The following CTNNA3 variants were observed in gnomAD, a reference collection of about 807,000 sequenced individuals.
The protein encoded by CTNNA3 is catenin alpha 3.
A neutral mutation model predicts 95.7 loss-of-function variants in CTNNA3; 76 were observed. The observed-to-expected ratio is 0.79, with a 90% CI of 0.66 to 0.96. CTNNA3 has a LOEUF of 0.96. CTNNA3 is among the 40% of genes least tolerant of loss of function. The pLI, the probability that CTNNA3 is intolerant of heterozygous loss-of-function variation, is 0.00. For missense variants in CTNNA3, 1,191 were observed against 1,089.8 expected, an observed-to-expected ratio of 1.09 and a Z score of -1.31; for synonymous variants, 431 against 374.4, an observed-to-expected ratio of 1.15 and a Z score of -1.74.
chr10:66,108,164 T>C (rs1197049537), intron 13 of CTNNA3, among the ~76,000 whole-genome samples: 1 of 152,102 alleles, frequency 6.6e-6, no homozygotes, highest in Non-Finnish European at 1.5e-5. Flanking sequence ...TTAAAATACA[T>C]TTAAAAAATA....
chr10:66,722,439 C>T (rs1457164167), intron 9 of CTNNA3, among the ~76,000 whole-genome samples: 1 of 151,690 alleles, frequency 6.6e-6, no homozygotes, highest in Non-Finnish European at 1.5e-5. Flanking sequence ...TTGGTGCTAG[C>T]TTCCCAGGCA....
intron 3 of CTNNA3, among the ~76,000 whole-genome samples, chr10:67,592,529 A>C (rs1405431840): frequency 1.3e-5 from 2 of 152,192 alleles, no homozygotes; most frequent in Non-Finnish European, 2.9e-5. Context: ...TAAACAAGTC[A>C]GAGAAAAAAG....
intron 9 of CTNNA3, among the ~76,000 whole-genome samples, chr10:66,681,889 T>C (rs1478299050): frequency 1.3e-5 from 2 of 152,214 alleles, no homozygotes; most frequent in East Asian, 1.9e-4. Flanking sequence ...TGGATTTTAA[T>C]GGAAATTTAT....
chr10:65,958,101 C>T (rs146434268), intron 17 of CTNNA3, among the ~76,000 whole-genome samples: 5,033 of 152,000 alleles, frequency 0.033, 251 homozygotes, highest in African/African-American at 0.11. Flanking sequence ...TCTTTTTTCT[C>T]TAAACTTCTC....
intron 15 of CTNNA3, among the ~76,000 whole-genome samples, chr10:66,001,073 A>G (rs1237523149): frequency 6.6e-6 from 1 of 152,158 alleles, no homozygotes; most frequent in Non-Finnish European, 1.5e-5. Flanking sequence ...CAGTGACTTC[A>G]TCACACATAG....
intron 7 of CTNNA3, among the ~76,000 whole-genome samples, chr10:67,095,707 C>T (rs575167062): frequency 1.8e-4 from 28 of 151,784 alleles, no homozygotes; most frequent in Middle Eastern, 3.4e-3. Context: ...GTTTCCATGA[C>T]GAATAAGGAC....
chr10:67,415,072 A>C (rs1268283369), intron 5 of CTNNA3, among the ~76,000 whole-genome samples: 1 of 152,218 alleles, frequency 6.6e-6, no homozygotes, highest in Non-Finnish European at 1.5e-5. Context: ...CAAATGATGG[A>C]AATATTTCCC....
chr10:67,602,332 G>A (rs1428025770), intron 3 of CTNNA3, among the ~76,000 whole-genome samples: 1 of 152,156 alleles, frequency 6.6e-6, no homozygotes, highest in Non-Finnish European at 1.5e-5. Context: ...TTTGGGAACA[G>A]TGCTTTCACT....
intron 5 of CTNNA3, among the ~76,000 whole-genome samples, chr10:67,267,820 T>C (rs1376861234): frequency 6.6e-6 from 1 of 152,174 alleles, no homozygotes; most frequent in African/African-American, 2.4e-5. Context: ...TTTTTTATTA[T>C]AGCATTATTT....
chr10:67,456,092 T>C (rs1451365093), intron 5 of CTNNA3, among the ~76,000 whole-genome samples: 1 of 152,146 alleles, frequency 6.6e-6, no homozygotes, highest in Non-Finnish European at 1.5e-5. Context: ...CCATGCATAA[T>C]TTTATATACA....
At chr10:66,243,774 G>A (rs1351484522) in intron 13 of CTNNA3, among the ~76,000 whole-genome samples, 1 of 152,120 alleles carries the variant, frequency 6.6e-6, no homozygotes, top group African/African-American at 2.4e-5. Flanking sequence ...ATTGAGACTC[G>A]CTCCCTTGAA....
At chr10:66,361,948 T>C (rs1043249901) in intron 12 of CTNNA3, among the ~76,000 whole-genome samples, 5 of 152,240 alleles carry the variant, frequency 3.3e-5, no homozygotes, top group East Asian at 1.9e-4. Flanking sequence ...CACCACTGCA[T>C]TGAGAGAATA....
intron 5 of CTNNA3, among the ~76,000 whole-genome samples, chr10:67,409,847 C>T (rs1237145410): frequency 6.6e-6 from 1 of 152,038 alleles, no homozygotes; most frequent in African/African-American, 2.4e-5. Context: ...GTTAAAAAGT[C>T]AAAAAATAAC....
rs150763921 is a variant in CTNNA3, at chr10:66,639,425, G to T, written c.1282-17641C>A. 2.0e-5 allele frequency among the ~76,000 whole-genome samples: 3 copies of T among 152,182 alleles called. No homozygotes were observed. In the East Asian group the frequency reaches 5.8e-4, roughly 29 times the overall value. ...GCGCTATGAATATAGGAAGCAGTAT[G>T]ATTTGAAAAAAGGAGAAATGGCAGT... On this transcript the variant is annotated intron_variant, in intron 9 of 17. Coordinates refer to ENST00000433211, the MANE Select transcript of CTNNA3 (RefSeq NM_013266.4).
intron 15 of CTNNA3, among the ~76,000 whole-genome samples, chr10:66,045,013 AC>A (rs2079799354): frequency 1.3e-5 from 2 of 152,176 alleles, no homozygotes; most frequent in Admixed American, 6.5e-5. Flanking sequence ...TCCAAAGCCA[AC>A]ACTCAATGAG....
intron 15 of CTNNA3, among the ~76,000 whole-genome samples, chr10:66,042,899 CAAAAAAAAAAAAAAAAAAAA>C (rs60090636): frequency 0.013 from 661 of 50,448 alleles, 12 homozygotes; most frequent in Middle Eastern, 0.023. Context: ...GACTCTGTCT[CAAAAAAAAAAAAAAAAAAAA>C]AAAAAAAAAA....
chr10:66,160,014 A>T (rs1016114870), intron 13 of CTNNA3, among the ~76,000 whole-genome samples: 1 of 152,036 alleles, frequency 6.6e-6, no homozygotes, highest in African/African-American at 2.4e-5. Flanking sequence ...CAGTGGTGTC[A>T]GTTGTAGTGT....
At chr10:66,309,381 T>G (rs1167599613) in intron 12 of CTNNA3, among the ~76,000 whole-genome samples, 2 of 151,836 alleles carry the variant, frequency 1.3e-5, no homozygotes, top group East Asian at 3.9e-4. Flanking sequence ...TCTCTGGAGC[T>G]CAAAATTCTG....
chr10:66,467,879 G>A (rs564244326), intron 11 of CTNNA3, among the ~76,000 whole-genome samples: 21 of 152,078 alleles, frequency 1.4e-4, no homozygotes, highest in South Asian at 1.0e-3. Flanking sequence ...CCTCCATAGT[G>A]GTTGAAAAGC....
Sources: allele counts gnomAD v4.1 joint callset (sites outside exome capture counted in the v4.1 genomes callset), GRCh38; gene constraint gnomAD v4.1.1; transcripts MANE v1.5; gene names NCBI Gene and HGNC (gene_info 2026-07-23, HGNC 2026-07-21).